TTC28: variants seen among roughly 807,000 people sequenced by gnomAD.
TTC28 encodes the protein tetratricopeptide repeat protein 28.
In TTC28, 61 loss-of-function variants were observed where a neutral mutation model predicts 198.0. That is an observed-to-expected ratio of 0.31 (90% CI 0.25 to 0.38). The LOEUF (loss-of-function observed/expected upper bound fraction) is 0.38, where lower values mean the gene tolerates loss of function less well. TTC28 is among the 10% of genes least tolerant of loss of function. The pLI, the probability that TTC28 is intolerant of heterozygous loss-of-function variation, is 1.00. For missense variants in TTC28, 2,678 were observed against 3,164.0 expected (o/e 0.85, Z 3.69); for synonymous variants, 1,171 against 1,297.8 (o/e 0.90, Z 2.10).
intron 5 of TTC28, among the ~76,000 whole-genome samples, chr22:28,199,891 T>C (rs1651944651): frequency 6.6e-6 from 1 of 152,050 alleles, no homozygotes. Flanking sequence ...TTTGAAAACT[T>C]ACCAGGAGAA....
intron 2 of TTC28, among the ~76,000 whole-genome samples, chr22:28,352,681 G>A (rs1290842770): frequency 6.6e-6 from 1 of 152,046 alleles, no homozygotes; most frequent in African/African-American, 2.4e-5. Flanking sequence ...CTGCTTGGTA[G>A]GAATGAGCCA....
intron 5 of TTC28, among the ~76,000 whole-genome samples, chr22:28,191,970 T>A (rs947590147): frequency 6.6e-6 from 1 of 152,212 alleles, no homozygotes; most frequent in Non-Finnish European, 1.5e-5. Flanking sequence ...GCTGGAGATC[T>A]GAGAACGGAC....
chr22:28,405,099 A>C (rs1173940436), intron 2 of TTC28, among the ~76,000 whole-genome samples: 14 of 152,200 alleles, frequency 9.2e-5, no homozygotes. Flanking sequence ...TCAGTCTGTA[A>C]GATCATGTTC....
chr22:28,352,902 AAGG>A (rs2046021190), intron 2 of TTC28, among the ~76,000 whole-genome samples: 2 of 152,178 alleles, frequency 1.3e-5, no homozygotes, highest in Admixed American at 6.5e-5. Flanking sequence ...GAGAGGTAAT[AAGG>A]AGAAAAAAAG....
At chr22:28,181,130 A>G (rs1601436996) in intron 5 of TTC28, among the ~76,000 whole-genome samples, 1 of 152,346 alleles carries the variant, frequency 6.6e-6, no homozygotes, top group East Asian at 1.9e-4. Flanking sequence ...GTGGGACCAG[A>G]GGAGCTTTCA....
chr22:28,308,775 T>A (rs2045195601), intron 2 of TTC28, among the ~76,000 whole-genome samples: 1 of 152,176 alleles, frequency 6.6e-6, no homozygotes, highest in African/African-American at 2.4e-5. Flanking sequence ...GAAAAGATTT[T>A]AAAAAGTGGT....
At chr22:28,279,829 G>A (rs761805185) in intron 5 of TTC28, among the ~76,000 whole-genome samples, 1 of 152,150 alleles carries the variant, frequency 6.6e-6, no homozygotes, top group African/African-American at 2.4e-5. Flanking sequence ...GACTGTTTTC[G>A]CTACGGATTA....
chr22:28,182,447 G>C (rs1327773334), intron 5 of TTC28, among the ~76,000 whole-genome samples: 3 of 152,160 alleles, frequency 2.0e-5, no homozygotes, highest in Non-Finnish European at 2.9e-5. Flanking sequence ...CAGAGAGAGA[G>C]AGATGGAAAA....
chr22:28,438,955 C>A (rs1435778820), intron 2 of TTC28, among the ~76,000 whole-genome samples: 1 of 152,126 alleles, frequency 6.6e-6, no homozygotes, highest in African/African-American at 2.4e-5. Context: ...TCCCTCCCTA[C>A]TATTGTCTAC....
intron 2 of TTC28, among the ~76,000 whole-genome samples, chr22:28,594,200 T>C (rs936644978): frequency 2.6e-5 from 4 of 151,246 alleles, no homozygotes; most frequent in Non-Finnish European, 4.4e-5. Flanking sequence ...TAAGCTAATC[T>C]TGTCTCTCAT....
chr22:28,428,800 G>A (rs937372231), intron 2 of TTC28, among the ~76,000 whole-genome samples: 7 of 151,552 alleles, frequency 4.6e-5, no homozygotes, highest in Non-Finnish European at 7.4e-5. Context: ...CACCACGCCC[G>A]GCTAATTTTT....
At chr22:28,619,618 A>G (rs1000860518) in intron 2 of TTC28, among the ~76,000 whole-genome samples, 2 of 152,228 alleles carry the variant, frequency 1.3e-5, no homozygotes, top group African/African-American at 4.8e-5. Flanking sequence ...CAAAAAGCTC[A>G]TGGAAAATGT....
intron 6 of TTC28, among the ~76,000 whole-genome samples, chr22:28,130,232 T>A (rs1231391204): frequency 1.3e-5 from 2 of 152,130 alleles, no homozygotes; most frequent in Non-Finnish European, 2.9e-5. Context: ...AATGAACACA[T>A]ACCTAAATCA....
chr22:28,301,755 TAAA>T (rs1303635172), intron 3 of TTC28, among the ~76,000 whole-genome samples: 1 of 152,088 alleles, frequency 6.6e-6, no homozygotes, highest in East Asian at 1.9e-4. Flanking sequence ...TTGTAATACA[TAAA>T]ATAATGAGGC....
chr22:28,338,988 T>TC (rs1321328902), intron 2 of TTC28, among the ~76,000 whole-genome samples: 1 of 152,242 alleles, frequency 6.6e-6, no homozygotes, highest in African/African-American at 2.4e-5. Flanking sequence ...CTCTGTTTTT[T>TC]CCCCATCTTT....
intron 6 of TTC28, among the ~76,000 whole-genome samples, chr22:28,155,156 T>G (rs1382754165): frequency 6.6e-6 from 1 of 152,230 alleles, no homozygotes; most frequent in African/African-American, 2.4e-5. Context: ...CAGTTCTATT[T>G]GCTTACATTC....
chr22:28,631,881 A>T (rs1453654252), intron 1 of TTC28, among the ~76,000 whole-genome samples: 1 of 152,172 alleles, frequency 6.6e-6, no homozygotes, highest in African/African-American at 2.4e-5. Flanking sequence ...AAGGGAAGAA[A>T]TTTAACACAG....
intron 2 of TTC28, among the ~76,000 whole-genome samples, chr22:28,451,106 C>T (rs573747813): frequency 6.6e-6 from 1 of 152,196 alleles, no homozygotes; most frequent in Admixed American, 6.5e-5. Flanking sequence ...TAAGTTTTGG[C>T]TGAACACTAA....
intron 2 of TTC28, among the ~76,000 whole-genome samples, chr22:28,402,215 G>C (rs1243099105): frequency 6.6e-6 from 1 of 152,164 alleles, no homozygotes; most frequent in Non-Finnish European, 1.5e-5. Flanking sequence ...GTAGGCCTAG[G>C]AGAACACGTT....
Sources: gnomAD v4.1 joint callset for allele counts (sites outside exome capture counted in the v4.1 genomes callset) on GRCh38, gnomAD v4.1.1 for gene constraint, MANE v1.5 for transcripts, NCBI Gene and HGNC (gene_info 2026-07-23, HGNC 2026-07-21) for gene names.